AHI1: variants seen among roughly 807,000 people sequenced by gnomAD.
The protein encoded by AHI1 is Abelson helper integration site 1, also known as jouberin.
A neutral mutation model predicts 149.3 loss-of-function variants in AHI1; 123 were observed. The ratio of observed to expected loss-of-function variants is 0.82; its 90% CI spans 0.71 to 0.96. The LOEUF (loss-of-function observed/expected upper bound fraction) is 0.96. AHI1 is among the 40% of genes least tolerant of loss of function. AHI1 has a pLI of 0.00. For missense variants in AHI1, 1,439 were observed against 1,422.7 expected (o/e 1.01, Z -0.18); for synonymous variants, 475 against 459.8 (o/e 1.03, Z -0.42).
intron 9 of AHI1, 98 bp downstream of exon 9, chr6:135,457,396 A>G (rs995086714): frequency 1.5e-5 from 13 of 839,182 alleles, no homozygotes; most frequent in African/African-American, 3.4e-5. Flanking sequence ...ATACAAATCC[A>G]TAACTCTATT....
At chr6:135,301,605 A>G (rs1783887048) in intron 26 of AHI1, 1 of 985,336 alleles carries the variant, frequency 1.0e-6, no homozygotes, top group Non-Finnish European at 1.2e-6. Context: ...GACCATAATT[A>G]TATGATTATT....
chr6:135,491,663 T>TA (rs1795268228), intron 4 of AHI1, among the ~76,000 whole-genome samples: 2 of 152,318 alleles, frequency 1.3e-5, no homozygotes, highest in South Asian at 4.1e-4. Flanking sequence ...AGGTCTGACA[T>TA]AGTGTACATA....
intron 15 of AHI1, among the ~76,000 whole-genome samples, chr6:135,433,471 T>C (rs935093469): frequency 6.6e-6 from 1 of 152,162 alleles, no homozygotes; most frequent in African/African-American, 2.4e-5. Context: ...ATAGTTATTA[T>C]CCAGCATATT....
chr6:135,497,055 T>C (rs1352307431), intron 2 of AHI1, 133 bp downstream of exon 2: 1 of 152,256 alleles, frequency 6.6e-6, no homozygotes, highest in Non-Finnish European at 1.5e-5. Context: ...TAGATGTTTT[T>C]ACAGGAATGC....
At chr6:135,350,956 T>C (rs950703248) in intron 24 of AHI1, among the ~76,000 whole-genome samples, 3 of 152,124 alleles carry the variant, frequency 2.0e-5, no homozygotes, top group African/African-American at 4.8e-5. Flanking sequence ...TTCTGACTTA[T>C]AGATCACTTT....
chr6:135,381,802 C>T (rs922266727), intron 23 of AHI1, among the ~76,000 whole-genome samples: 19 of 152,200 alleles, frequency 1.2e-4, no homozygotes, highest in Admixed American at 1.2e-3. Context: ...GCTGGACTCC[C>T]CAGATAGACT....
At chr6:135,316,364 T>C (rs1785948554) in intron 26 of AHI1, among the ~76,000 whole-genome samples, 1 of 151,620 alleles carries the variant, frequency 6.6e-6, no homozygotes, top group Non-Finnish European at 1.5e-5. Flanking sequence ...AAGTGAAACT[T>C]TGAGAATGGC....
rs139444658 is a variant in AHI1 at position 135,325,322 on chromosome 6, C to T, written c.3166-1998G>A. Among the ~76,000 whole-genome samples the T allele has an allele frequency of 1.5e-4, 23 of 152,276 alleles. No individual in the cohort carries two copies. In the East Asian group the frequency reaches 4.1e-3, roughly 27 times the overall value. On this transcript the variant is annotated intron_variant, in intron 24 of 28. Transcript: ENST00000265602. ...GATTACAGGCGTGAGCCACTGCGTC[C>T]GGCCACAAGTTATAATTTTAGTATA... is the stretch of plus-strand genomic sequence containing the variant.
chr6:135,288,854 A>C (rs548599978), intron 28 of AHI1, among the ~76,000 whole-genome samples: 16 of 152,032 alleles, frequency 1.1e-4, no homozygotes, highest in South Asian at 6.2e-4. Context: ...CAAAAAAAAA[A>C]CCCTAACATA....
At chr6:135,300,409 T>C in intron 27 of AHI1, 91 bp downstream of exon 27, 4 of 1,266,914 alleles carry the variant, frequency 3.2e-6, no homozygotes, top group Non-Finnish European at 4.3e-6. Flanking sequence ...TATAGTTTGA[T>C]AATGTTATAA....
chr6:135,310,343 A>G (rs960236912), intron 26 of AHI1, among the ~76,000 whole-genome samples: 1 of 152,222 alleles, frequency 6.6e-6, no homozygotes, highest in Non-Finnish European at 1.5e-5. Flanking sequence ...AGGGCAATAT[A>G]TTTATTGCCT....
At position 135,429,944 on chromosome 6, in the gene AHI1, G is replaced by A. The variant is rs765954155; in HGVS notation, c.2430C>T (p.Pro810=). The A allele has an allele frequency of 1.3e-6, 2 of 1,589,062 alleles. No individual in the cohort carries two copies. The highest frequency in any genetic ancestry group is 1.7e-5 in the Admixed American group (1 of 58,030). The change falls in exon 18 of 29, where the codon CCC becomes CCT. Residue 810 remains proline, a synonymous_variant. Transcript: ENST00000265602. ...GIPISYLEIH[P]NGKRLLIHTK... is the part of the protein sequence containing the mutation. ...TATGGATTAACAAACGTTTTCCATT[G>A]GGATGAATCTCCAAATAACTTATTG...
chr6:135,479,231 C>T (rs1225978113), intron 5 of AHI1, among the ~76,000 whole-genome samples: 1 of 152,242 alleles, frequency 6.6e-6, no homozygotes, highest in Non-Finnish European at 1.5e-5. Flanking sequence ...AAGAGGGCCA[C>T]TGTCCTCCAG....
chr6:135,302,834 C>G (rs1211525186), intron 26 of AHI1: 2 of 1,288,476 alleles, frequency 1.6e-6, no homozygotes, highest in African/African-American at 1.5e-5. Context: ...ACGAAAAAGC[C>G]CCCAAGGCTG....
intron 20 of AHI1, among the ~76,000 whole-genome samples, chr6:135,426,005 A>G (rs780785508): frequency 3.3e-5 from 5 of 151,842 alleles, no homozygotes; most frequent in Admixed American, 2.6e-4. Flanking sequence ...TATTTCCTGT[A>G]TAACAGTTCC....
At position 135,448,462 on chromosome 6, in the gene AHI1, T is replaced by C. The variant is rs375425462; in HGVS notation, c.1454A>G (p.Asn485Ser). Reference sequence around the variant, plus strand: ...TTTTGAGTTGATGTTTGCATTTCCATTGGCTCCCAGAAGCTTAAAATAAGA... The same window carrying C: ...TTTTGAGTTGATGTTTGCATTTCCACTGGCTCCCAGAAGCTTAAAATAAGA... ...AWAFLKLLGA[N>S]GNANINSKLR... Residue 485 changes from asparagine to serine, a missense_variant, in exon 12 of 29, where the codon AAT becomes AGT. Transcript: ENST00000265602. The C allele has an allele frequency of 2.4e-5, 37 of 1,517,068 alleles. No individual in the cohort carries two copies. The African/African-American group carries it at 4.1e-4, about 17-fold the overall frequency. 94.0% of individuals were successfully genotyped at this position (1,517,068 alleles called of 1,614,324 possible).
intron 23 of AHI1, among the ~76,000 whole-genome samples, chr6:135,364,376 C>T (rs1436638242): frequency 3.3e-5 from 5 of 151,032 alleles, no homozygotes; most frequent in African/African-American, 1.2e-4. Flanking sequence ...GATGGGATGG[C>T]AGCCGGGCAG....
chr6:135,391,021 A>C (rs1009474502), intron 23 of AHI1, among the ~76,000 whole-genome samples: 33 of 152,290 alleles, frequency 2.2e-4, no homozygotes, highest in African/African-American at 7.2e-4. Context: ...TTTTCTTCTA[A>C]AAATTACTCA....
chr6:135,475,281 G>T (rs532662277), intron 5 of AHI1, among the ~76,000 whole-genome samples: 2 of 152,030 alleles, frequency 1.3e-5, no homozygotes, highest in African/African-American at 2.4e-5. Flanking sequence ...GGCAATTTGC[G>T]TCTTCTTTCC....
Sources: gnomAD v4.1 joint callset for allele counts (sites outside exome capture counted in the v4.1 genomes callset) on GRCh38, gnomAD v4.1.1 for gene constraint, MANE v1.5 for transcripts, NCBI Gene and HGNC (gene_info 2026-07-23, HGNC 2026-07-21) for gene names.